TAS2R14: variants seen among roughly 807,000 people sequenced by gnomAD.
TAS2R14 encodes taste receptor type 2 member 14.
For synonymous variants in TAS2R14, 131 were observed against 131.0 expected, an observed-to-expected ratio of 1.00 and a Z score of 0.00; for missense variants, 383 against 372.0, an observed-to-expected ratio of 1.03 and a Z score of -0.24.
At chr12:10,938,636 A>G in exon 1 of TAS2R14, 2 of 1,614,010 alleles carry the variant, frequency 1.2e-6, no homozygotes, top group Non-Finnish European at 1.7e-6. Flanking sequence ...GGACAAAGTA[A>G]AGGGTATGAA....
chr12:10,938,898 C>T, exon 1 of TAS2R14: 6 of 1,613,800 alleles, frequency 3.7e-6, no homozygotes, highest in Non-Finnish European at 5.1e-6. Flanking sequence ...TAAAAAGTAC[C>T]GAGGCCTGTA....
chr12:10,938,215 T>C (rs746404240), exon 1 of TAS2R14: 6 of 1,335,338 alleles, frequency 4.5e-6, no homozygotes, highest in African/African-American at 1.5e-5. Flanking sequence ...TTATATAACA[T>C]ACAAGAATTT....
chr12:10,938,945 A>G, exon 1 of TAS2R14: 1 of 1,613,826 alleles, frequency 6.2e-7, no homozygotes, highest in Non-Finnish European at 8.5e-7. Flanking sequence ...CACTGTCCAG[A>G]TATTAGTAAG....
chr12:10,938,927 T>C, exon 1 of TAS2R14: 2 of 1,613,938 alleles, frequency 1.2e-6, no homozygotes, highest in Non-Finnish European at 1.7e-6. Flanking sequence ...GACACTAAAA[T>C]GATTGATCAC....
At chr12:10,938,472 A>G (rs756818827) in exon 1 of TAS2R14, 2 of 1,614,108 alleles carry the variant, frequency 1.2e-6, no homozygotes, top group Non-Finnish European at 1.7e-6. Flanking sequence ...ATGAAAAAAG[A>G]CAGAGAGAAA....
exon 1 of TAS2R14, chr12:10,939,223 G>A: frequency 7.0e-7 from 1 of 1,432,436 alleles, no homozygotes; most frequent in Non-Finnish European, 9.5e-7. Flanking sequence ...GTAAGAGCAT[G>A]CCCCAATGTC....
exon 1 of TAS2R14, chr12:10,938,449 G>C (rs761087164): frequency 1.2e-6 from 2 of 1,614,016 alleles, no homozygotes; most frequent in East Asian, 2.2e-5. Flanking sequence ...ACCTTTCAGA[G>C]GTCCAAACTG....
At chr12:10,938,699 C>A (rs1950337117) in exon 1 of TAS2R14, 2 of 1,614,034 alleles carry the variant, frequency 1.2e-6, no homozygotes, top group African/African-American at 1.3e-5. Flanking sequence ...TGTAAAGTTA[C>A]TTGAATCAGA....
chr12:10,939,079 C>A (rs747532948), exon 1 of TAS2R14: 1 of 1,613,946 alleles, frequency 6.2e-7, no homozygotes, highest in Non-Finnish European at 8.5e-7. Context: ...TCCGATCAAC[C>A]GAAGAGATCT....
At chr12:10,938,659 G>C in exon 1 of TAS2R14, 1 of 1,613,958 alleles carries the variant, frequency 6.2e-7, no homozygotes, top group Non-Finnish European at 8.5e-7. Flanking sequence ...TGAACACAGT[G>C]CTGGTTAATA....
At chr12:10,938,198 T>C (rs896133346) in exon 1 of TAS2R14, 23 of 1,166,374 alleles carry the variant, frequency 2.0e-5, no homozygotes, top group Non-Finnish European at 2.8e-5. Context: ...CTTAAGGAAG[T>C]ATAAATTTAT....
chr12:10,938,597 GA>G (rs1415805521), intron 4 of TAS2R14: 1 of 1,613,924 alleles, frequency 6.2e-7, no homozygotes, highest in South Asian at 1.1e-5. Flanking sequence ...TTTCCACATG[GA>G]GAAGATGAGG....
exon 1 of TAS2R14, chr12:10,938,540 C>T (rs1479340673): frequency 5.0e-6 from 8 of 1,613,908 alleles, no homozygotes; most frequent in Non-Finnish European, 6.8e-6. Context: ...GGCTTTGGTG[C>T]TGGCGTCTCC....
chr12:10,939,062 G>A (rs867214827), exon 1 of TAS2R14: 1 of 1,614,008 alleles, frequency 6.2e-7, no homozygotes. Context: ...TGCCAAAGCA[G>A]TGAGGATCCG....
At chr12:10,939,162 C>A (rs1950350292) in intron 4 of TAS2R14, 1 of 1,600,732 alleles carries the variant, frequency 6.2e-7, no homozygotes, top group Non-Finnish European at 8.5e-7. Flanking sequence ...ATTATAAATT[C>A]CACAATTAAA....
exon 1 of TAS2R14, chr12:10,938,315 A>G (rs2135884887): frequency 6.2e-7 from 1 of 1,613,886 alleles, no homozygotes; most frequent in African/African-American, 1.3e-5. Context: ...CATGTACCTC[A>G]GCCACAGTAG....
chr12:10,938,755 A>C, exon 1 of TAS2R14: 1 of 1,613,912 alleles, frequency 6.2e-7, no homozygotes, highest in Non-Finnish European at 8.5e-7. Flanking sequence ...TGGCATTTAT[A>C]TGGATGTTTA....
exon 1 of TAS2R14, chr12:10,937,997 T>C (rs984984979): frequency 2.9e-6 from 1 of 343,108 alleles, no homozygotes; most frequent in African/African-American, 2.1e-5. Flanking sequence ...CATTTAAAAA[T>C]CTCAAAAAAG....
exon 1 of TAS2R14, chr12:10,938,174 C>A (rs565209728): frequency 2.1e-6 from 2 of 972,394 alleles, no homozygotes; most frequent in South Asian, 1.8e-5. Context: ...CAAAGTTATA[C>A]ACAATGAAAG....
Sources: allele counts gnomAD v4.1 joint callset, GRCh38; gene constraint gnomAD v4.1.1; transcripts MANE v1.5; gene names NCBI Gene and HGNC (gene_info 2026-07-23, HGNC 2026-07-21).